The following PRKAG3 variants were observed in gnomAD, a reference collection of about 807,000 sequenced individuals.
PRKAG3 encodes the protein 5'-AMP-activated protein kinase subunit gamma-3.
Under a neutral mutation model 56.5 loss-of-function variants are expected in PRKAG3, and 39 were observed. The observed-to-expected ratio is 0.69, with a 90% CI of 0.53 to 0.90. PRKAG3 has a LOEUF of 0.90. PRKAG3 is among the 40% of genes least tolerant of loss of function. PRKAG3 has a pLI of 0.00. For missense variants in PRKAG3, 628 were observed against 627.5 expected (o/e 1.00, Z -0.01); for synonymous variants, 243 against 250.1 (o/e 0.97, Z 0.27).
At position 218,827,388 on chromosome 2, in the gene PRKAG3, G is replaced by A; in HGVS notation, c.876-15C>T. The A allele has an allele frequency of 1.9e-6, 3 of 1,614,108 alleles. No homozygotes were observed. Among genetic ancestry groups the A allele is most frequent in the Non-Finnish European group, 2.5e-6 (3 of 1,179,994 alleles). On this transcript the variant is annotated splice_polypyrimidine_tract_variant and intron_variant, in intron 8 of 12. Transcript: ENST00000529249. The surrounding 1 kb of genome is among the most constrained non-coding windows in gnomAD (Gnocchi z 5.3). Reference sequence around the variant, plus strand: ...CTTCAAACAGGCTGCAGAGATGGGAGCAGTGAGCCTCGGGGCAGCCTAGGG... The same window carrying A: ...CTTCAAACAGGCTGCAGAGATGGGAACAGTGAGCCTCGGGGCAGCCTAGGG...
chr2:218,823,807 C>T (rs2105985117), exon 13 of PRKAG3: 1 of 1,614,132 alleles, frequency 6.2e-7, no homozygotes, highest in Non-Finnish European at 8.5e-7. Context: ...GCACCAGTGC[C>T]TGAAGGATGT....
chr2:218,830,089 G>A lies in PRKAG3; in HGVS notation c.522C>T (p.Asp174=), dbSNP rs17848617. 9.9e-4 allele frequency: 1,597 copies of A among 1,612,746 alleles called. 32 individuals carry two copies. The East Asian group carries it at 0.029, about 30-fold the overall frequency. ...TCTGGGCGCCGGGTTTCCGCAGTTC[G>A]TCATCCCAGCCCAGCTTGGGAAATG... The change falls in exon 4 of 13, where the codon GAC becomes GAT. Residue 174 remains aspartate (D), a synonymous_variant. Coordinates refer to ENST00000529249, the Ensembl canonical transcript of PRKAG3.
rs1943938683 is a variant in PRKAG3 at position 218,826,822 on chromosome 2, A to AC, written c.1168+105dup. The AC allele has an allele frequency of 3.5e-6, 5 of 1,444,062 alleles. No individual in the cohort carries two copies. In the African/African-American group the frequency reaches 4.2e-5, roughly 12 times the overall value. The allele number at this position is 1,444,062 out of a possible 1,614,324, so 89.5% of individuals were successfully genotyped here. ...ACTTCTAATCCCCAGTCCATCCTGT[A>AC]CCCCCCACAGGGATGGCATGAGAAA... On this transcript the variant is annotated intron_variant, in intron 10 of 12. Transcript: ENST00000529249.
At chr2:218,828,706 C>T (rs975367653) in intron 4 of PRKAG3, 106 bp from the exon 5 acceptor site, 14 of 970,670 alleles carry the variant, frequency 1.4e-5, no homozygotes, top group Non-Finnish European at 7.6e-6. Flanking sequence ...CCTCCCTGTC[C>T]CACCCAGGGT....
At chr2:218,824,570 A>T in exon 11 of PRKAG3, 2 of 1,612,090 alleles carry the variant, frequency 1.2e-6, no homozygotes, top group Non-Finnish European at 1.7e-6. Context: ...GAGGCCCACG[A>T]CCTGACCTGC....
downstream of PRKAG3, chr2:218,823,083 G>A (rs1461731598): frequency 2.1e-6 from 2 of 946,948 alleles, no homozygotes; most frequent in Non-Finnish European, 2.5e-6. Flanking sequence ...AAGCCTGTGG[G>A]GAAAAGAAAA....
At chr2:218,826,655 A>G in intron 10 of PRKAG3, 1 of 456,674 alleles carries the variant, frequency 2.2e-6, no homozygotes, top group Non-Finnish European at 4.1e-6. Flanking sequence ...TCCTCTCGCT[A>G]TGCCCATTTT....
At chr2:218,829,496 A>ATT (rs796290318) in intron 4 of PRKAG3, among the ~76,000 whole-genome samples, 3 of 144,270 alleles carry the variant, frequency 2.1e-5, no homozygotes, top group African/African-American at 7.6e-5. Flanking sequence ...AATTTTTTGT[A>ATT]TTTTTTTTTT....
exon 12 of PRKAG3, chr2:218,824,237 C>T: frequency 6.2e-7 from 1 of 1,614,114 alleles, no homozygotes; most frequent in Non-Finnish European, 8.5e-7. Context: ...CCCGAGCAAT[C>T]CTGTCGATCA....
chr2:218,831,406 G>A (rs1575213843), intron 1 of PRKAG3, 31 bp from the exon 2 acceptor site: 15 of 1,579,184 alleles, frequency 9.5e-6, no homozygotes, highest in Non-Finnish European at 1.3e-5. Context: ...GAAGGAGTGG[G>A]GAAAGTGCCT....
intron 4 of PRKAG3, 73 bp from the exon 5 acceptor site, chr2:218,828,673 C>T: frequency 7.6e-7 from 1 of 1,312,714 alleles, no homozygotes. Flanking sequence ...CCTCAGTGCG[C>T]ACCTCCCATC....
intron 4 of PRKAG3, among the ~76,000 whole-genome samples, chr2:218,829,163 C>T (rs1943980834): frequency 6.6e-6 from 1 of 152,068 alleles, no homozygotes; most frequent in Non-Finnish European, 1.5e-5. Flanking sequence ...ATGGACAATA[C>T]ATACACCGTG....
chr2:218,824,542 CA>C lies in PRKAG3; in HGVS notation c.1202del (p.Val401GlyfsTer15). The C allele has an allele frequency of 1.9e-6, 3 of 1,613,098 alleles. No individual in the cohort carries two copies. In the South Asian group the frequency reaches 3.3e-5, roughly 18 times the overall value. On this transcript the variant is annotated frameshift_variant, in exon 11 of 13. Coordinates refer to ENST00000529249, the Ensembl canonical transcript of PRKAG3. LOFTEE classifies it high-confidence loss of function. ...CCACCTTTCCAGCGACACTTACAAT[CA>C]CATCAAAGCGGGAATAGAGGCCCAC... is the stretch of plus-strand genomic sequence containing the variant.
chr2:218,828,437 T>G, intron 5 of PRKAG3, 82 bp downstream of exon 5: 1 of 1,390,932 alleles, frequency 7.2e-7, no homozygotes. Context: ...TTGTGGTATA[T>G]CAGAGATCAG....
At chr2:218,824,197 G>A (rs1200817223) in intron 12 of PRKAG3, 25 bp downstream of exon 12, 2 of 1,614,032 alleles carry the variant, frequency 1.2e-6, no homozygotes, top group Non-Finnish European at 1.7e-6. Flanking sequence ...ATGTGTTGGG[G>A]GCATGAATGG....
chr2:218,822,863 C>A, downstream of PRKAG3: 1 of 983,720 alleles, frequency 1.0e-6, no homozygotes, highest in Non-Finnish European at 1.2e-6. Context: ...CTGACTAAAC[C>A]CACTGGGGCC....
At chr2:218,831,002 C>A in intron 2 of PRKAG3, 101 bp from the exon 3 acceptor site, 1 of 1,346,708 alleles carries the variant, frequency 7.4e-7, no homozygotes, top group Non-Finnish European at 1.1e-6. Context: ...TTCCAATGGG[C>A]TTTTCTCCAA....
Position 218,831,316 on chromosome 2 carries a change from G to A in PRKAG3, c.73+20C>T. ...GGTGGGGGAAGAGGTTAGGCCCCAGGGAGGGGGCATTCTCCCTACCTTGAT... is the reference window on the plus strand; with the variant it reads ...GGTGGGGGAAGAGGTTAGGCCCCAGAGAGGGGGCATTCTCCCTACCTTGAT... On this transcript the variant is annotated intron_variant, in intron 2 of 12. Transcript: ENST00000529249. The A allele has an allele frequency of 1.9e-6, 3 of 1,573,962 alleles. No individual in the cohort carries two copies. The highest frequency in any genetic ancestry group is 2.6e-6 in the Non-Finnish European group (3 of 1,156,150).
In PRKAG3 at chr2:218,827,883, A is replaced by T. The variant is rs764015655; in HGVS notation, c.775-5T>A. The T allele has an allele frequency of 1.9e-6, 3 of 1,613,950 alleles. No homozygotes were observed. Among genetic ancestry groups the T allele is most frequent in the Non-Finnish European group, 2.5e-6 (3 of 1,179,970 alleles). ...TTCAATCTCATAGATCTGGACCTAG[A>T]GACATCGACAGGACTCCAGAAGTCA... On this transcript the variant is annotated splice_polypyrimidine_tract_variant and splice_region_variant and intron_variant, in intron 6 of 12. Coordinates refer to ENST00000529249, the Ensembl canonical transcript of PRKAG3. The surrounding 1 kb of genome is among the most constrained non-coding windows in gnomAD (Gnocchi z 5.3).
Sources: gnomAD v4.1 joint callset for allele counts (sites outside exome capture counted in the v4.1 genomes callset) on GRCh38, gnomAD v4.1.1 for gene constraint, Gnocchi (gnomAD v3.1) non-coding constraint, MANE v1.5 for transcripts, NCBI Gene and HGNC (gene_info 2026-07-23, HGNC 2026-07-21) for gene names.